Variants in ETFB observed in about 807,000 individuals in gnomAD.
ETFB encodes the protein beta-ETF.
A neutral mutation model predicts 25.6 loss-of-function variants in ETFB; 20 were observed. The ratio of observed to expected loss-of-function variants is 0.78; its 90% CI spans 0.55 to 1.14. ETFB has a LOEUF of 1.14. ETFB is among the 50% of genes most tolerant of loss of function. ETFB has a pLI of 0.00. For synonymous variants in ETFB, 142 were observed against 146.7 expected (o/e 0.97, Z 0.23); for missense variants, 286 against 342.6 (o/e 0.83, Z 1.30).
Position 51,346,898 on chromosome 19 carries a change from A to C in ETFB, c.597+2T>G, listed in dbSNP as rs1985800488. On this transcript the variant is annotated splice_donor_variant, in intron 5 of 5. Coordinates refer to ENST00000309244, the MANE Select transcript of ETFB (RefSeq NM_001985.3). LOFTEE classifies it high-confidence loss of function. ...CTCAGTGCCCGCTGGCCAGGGGCTC[A>C]CCATGATGTTGGGCAGCGTGGCGTA... 1 of 1,551,512 alleles carries C rather than the reference A, an allele frequency of 6.4e-7. No homozygotes were observed. Among genetic ancestry groups the C allele is most frequent in the Non-Finnish European group, 8.7e-7 (1 of 1,147,946 alleles).
chr19:51,352,880 G>A (rs977799134), intron 3 of ETFB, among the ~76,000 whole-genome samples: 1 of 152,088 alleles, frequency 6.6e-6, no homozygotes. Context: ...CACTGGCCTC[G>A]GCCTCCCAAA....
At chr19:51,357,882 T>C (rs974706913) in intron 1 of ETFB, among the ~76,000 whole-genome samples, 1 of 152,158 alleles carries the variant, frequency 6.6e-6, no homozygotes, top group Non-Finnish European at 1.5e-5. Flanking sequence ...GGTGGCTGTT[T>C]GTCACCAAAG....
chr19:51,366,181 A>G, intron 1 of ETFB, 89 bp downstream of exon 1: 1 of 1,308,082 alleles, frequency 7.6e-7, no homozygotes, highest in South Asian at 1.2e-5. Context: ...GTCGGGGGTT[A>G]CGAGAAGACC....
chr19:51,345,525 T>C, intron 5 of ETFB, 144 bp from the exon 6 acceptor site: 2 of 830,864 alleles, frequency 2.4e-6, no homozygotes, highest in Non-Finnish European at 4.0e-6. Flanking sequence ...CACGCGAAAC[T>C]TCTCACAGGG....
intron 1 of ETFB, chr19:51,355,001 T>TACCCACA: frequency 3.5e-6 from 1 of 287,356 alleles, no homozygotes; most frequent in South Asian, 3.8e-5. Context: ...CCTAAAGACG[T>TACCCACA]ACCCACAACT....
chr19:51,359,430 A>C (rs370756840), intron 1 of ETFB, among the ~76,000 whole-genome samples: 15 of 151,432 alleles, frequency 9.9e-5, no homozygotes, highest in East Asian at 5.8e-4. Flanking sequence ...TCCACCCATC[A>C]GTAAGAGGCC....
At chr19:51,358,826 A>G (rs1428378621) in intron 1 of ETFB, among the ~76,000 whole-genome samples, 2 of 114,812 alleles carry the variant, frequency 1.7e-5, no homozygotes, top group Non-Finnish European at 3.5e-5. Context: ...ACAAACAAAC[A>G]ACAACAAAAA....
chr19:51,358,424 TG>T (rs1008640045), intron 1 of ETFB, among the ~76,000 whole-genome samples: 5 of 152,064 alleles, frequency 3.3e-5, no homozygotes, highest in African/African-American at 9.7e-5. Flanking sequence ...CCCAGAAATT[TG>T]GGAGGCCAAG....
intron 1 of ETFB, among the ~76,000 whole-genome samples, chr19:51,358,849 A>AC (rs1568469620): frequency 2.7e-5 from 4 of 150,020 alleles, no homozygotes; most frequent in African/African-American, 7.4e-5. Context: ...AAAAAAAAAA[A>AC]ACAGCCAGGT....
intron 5 of ETFB, 56 bp downstream of exon 5, chr19:51,346,844 G>A: frequency 6.6e-7 from 1 of 1,514,918 alleles, no homozygotes. Context: ...GGGGCACTGG[G>A]CTGGCAATGT....
At chr19:51,356,358 C>T (rs1438719352) in intron 1 of ETFB, 2 of 152,080 alleles carry the variant, frequency 1.3e-5, no homozygotes, top group South Asian at 4.1e-4. Flanking sequence ...GGTCAGTGAC[C>T]AATACTGACC....
chr19:51,352,289 A>G (rs1346552692), intron 3 of ETFB, among the ~76,000 whole-genome samples: 1 of 152,012 alleles, frequency 6.6e-6, no homozygotes, highest in African/African-American at 2.4e-5. Flanking sequence ...ATAGCTCCCC[A>G]GTGCCCTCCA....
In ETFB at chr19:51,353,911, T is replaced by G. The variant is rs187316509; in HGVS notation, c.216+239A>C. 1.7e-3 allele frequency among the ~76,000 whole-genome samples: 72 copies of G among 41,998 alleles called. 21 individuals carry two copies. Among genetic ancestry groups the G allele is most frequent in the African/African-American group, 5.6e-3 (39 of 6,966 alleles). 27.6% of individuals were successfully genotyped at this position (41,998 alleles called of 152,430 possible). On this transcript the variant is annotated intron_variant, in intron 2 of 5. Transcript: ENST00000309244. ...TCAGACCCAGGAGTCCAGGGCCCCA[T>G]CCCCTCCTTCCTCAGACCCAAGAGT... is the stretch of plus-strand genomic sequence containing the variant.
chr19:51,353,435 T>A (rs1985981927), intron 2 of ETFB, 145 bp from the exon 3 acceptor site: 1 of 612,696 alleles, frequency 1.6e-6, no homozygotes, highest in African/African-American at 2.5e-5. Context: ...CCCCATCCCC[T>A]CCTTCCTCAG....
chr19:51,354,170 A>T lies in ETFB; in HGVS notation c.196T>A (p.Cys66Ser). 1 of 1,614,106 alleles carries T rather than the reference A, an allele frequency of 6.2e-7. No individual in the cohort carries two copies. The highest frequency in any genetic ancestry group is 2.2e-5 in the East Asian group (1 of 44,880). Reference sequence around the variant, plus strand: ...ATCACCTGGCACTGTGCAGGCCCACAGCTGACGGCGATGACCTCCTTCACC... The same window carrying T: ...ATCACCTGGCACTGTGCAGGCCCACTGCTGACGGCGATGACCTCCTTCACC... ...KLVKEVIAVS[C>S]GPAQCQETIR... The change falls in exon 2 of 6, where the codon TGT (cysteine) becomes AGT (serine). Residue 66 changes from cysteine to serine, a missense_variant. Cys to Ser is a moderately radical substitution (Grantham distance 112, BLOSUM62 -1). Transcript: ENST00000309244.
chr19:51,362,602 G>A (rs28620642), intron 1 of ETFB, among the ~76,000 whole-genome samples: 33,025 of 152,082 alleles, frequency 0.22, 4,578 homozygotes, highest in South Asian at 0.42. Flanking sequence ...AAACCACTGT[G>A]TGCCAGGCAC....
chr19:51,345,701 T>G (rs1462610927), intron 5 of ETFB: 1 of 430,624 alleles, frequency 2.3e-6, no homozygotes, highest in African/African-American at 2.0e-5. Context: ...TTGGTTGAGA[T>G]GGCATGCTGA....
chr19:51,352,923 T>C (rs1222282266), intron 3 of ETFB, among the ~76,000 whole-genome samples: 1 of 152,192 alleles, frequency 6.6e-6, no homozygotes, highest in East Asian at 1.9e-4. Context: ...CCACCGTGCC[T>C]GGCCCAAGAG....
chr19:51,348,686 TA>T lies in ETFB; in HGVS notation c.439-1629del, dbSNP rs57332596. Among the ~76,000 whole-genome samples the T allele has an allele frequency of 2.1e-3, 174 of 83,750 alleles. 1 individual carries two copies. The highest frequency in any genetic ancestry group is 5.6e-3 in the African/African-American group (99 of 17,542). The allele number at this position is 83,750 out of a possible 152,430, so 54.9% of individuals were successfully genotyped here. On this transcript the variant is annotated intron_variant, in intron 4 of 5. Transcript: ENST00000309244. ...AGGTAAATAACTCAACGAAGCTGTT[TA>T]AAAAAAAAACAAAAACAAACAAACA...
Sources: allele counts gnomAD v4.1 joint callset (sites outside exome capture counted in the v4.1 genomes callset), GRCh38; gene constraint gnomAD v4.1.1; transcripts MANE v1.5; gene names NCBI Gene and HGNC (gene_info 2026-07-23, HGNC 2026-07-21).